TLK1: variants seen among roughly 807,000 people sequenced by gnomAD.
TLK1 encodes serine/threonine-protein kinase tousled-like 1.
In TLK1, 24 loss-of-function variants were observed where a neutral mutation model predicts 105.3. That is an observed-to-expected ratio of 0.23 (90% CI 0.17 to 0.32). The LOEUF is 0.32. Among genes scored for constraint, TLK1 ranks in the 10% least tolerant of loss-of-function variants. TLK1 has a pLI of 1.00. For missense variants in TLK1, 558 were observed against 910.5 expected (o/e 0.61, Z 4.98); for synonymous variants, 321 against 310.4 (o/e 1.03, Z -0.36).
intron 1 of TLK1, among the ~76,000 whole-genome samples, chr2:171,198,678 C>G (rs1246558712): frequency 6.6e-6 from 1 of 152,100 alleles, no homozygotes; most frequent in African/African-American, 2.4e-5. Flanking sequence ...AGAAAAGAGG[C>G]CTGATTGACT....
At chr2:171,050,376 T>G (rs1687178515) in intron 8 of TLK1, among the ~76,000 whole-genome samples, 1 of 151,864 alleles carries the variant, frequency 6.6e-6, no homozygotes, top group South Asian at 2.1e-4. Context: ...GGAAAGTACA[T>G]ACAGGGAAAT....
At chr2:171,124,934 G>A (rs377341157) in intron 1 of TLK1, among the ~76,000 whole-genome samples, 7 of 152,152 alleles carry the variant, frequency 4.6e-5, no homozygotes, top group Non-Finnish European at 8.8e-5. Flanking sequence ...ATCAAGAGCC[G>A]AGAAAAACCA....
intron 2 of TLK1, among the ~76,000 whole-genome samples, chr2:171,098,019 C>T (rs1689524840): frequency 6.6e-6 from 1 of 151,856 alleles, no homozygotes; most frequent in African/African-American, 2.4e-5. Flanking sequence ...ATAAAAGAAG[C>T]CAGTTAAATA....
In TLK1 at chr2:171,160,052, C is replaced by T. The variant is rs1255176776; in HGVS notation, c.139+238G>A. Among the ~76,000 whole-genome samples, 1 of 152,170 alleles carries T rather than the reference C, an allele frequency of 6.6e-6. No individual in the cohort carries two copies. The highest frequency in any genetic ancestry group is 2.1e-4 in the South Asian group (1 of 4,830). ...GGCGAGTCTATGCGCCTCGCCCCGT[C>T]CCCACCAGCGCGCACCCCCTCGTCC... On this transcript the variant is annotated intron_variant, in intron 1 of 20. Coordinates refer to ENST00000431350, the MANE Select transcript of TLK1 (RefSeq NM_012290.5). This position sits in a 1 kb window ranked among gnomAD's most constrained non-coding sequence, Gnocchi z 4.4.
intron 1 of TLK1, 59 bp from the exon 2 acceptor site, chr2:171,117,916 C>T (rs1158790462): frequency 1.9e-6 from 2 of 1,073,812 alleles, no homozygotes; most frequent in Admixed American, 2.5e-5. Context: ...TTTATACTTA[C>T]ACACACAAAT....
chr2:171,086,636 AAC>A (rs562258913), intron 2 of TLK1, among the ~76,000 whole-genome samples: 3 of 122,902 alleles, frequency 2.4e-5, no homozygotes, highest in Admixed American at 7.7e-5. Flanking sequence ...AAAAAAAACA[AAC>A]AAAAAAAAAA....
intron 2 of TLK1, among the ~76,000 whole-genome samples, chr2:171,092,848 C>A (rs13002517): frequency 0.2 from 30,397 of 151,844 alleles, 3,759 homozygotes; most frequent in Non-Finnish European, 0.28. Flanking sequence ...TAGATGGGTA[C>A]ATTTTTTTTT....
At chr2:171,026,718 T>G (rs143763668) in intron 12 of TLK1, among the ~76,000 whole-genome samples, 27 of 152,262 alleles carry the variant, frequency 1.8e-4, no homozygotes, top group African/African-American at 6.5e-4. Context: ...GAACTCATTA[T>G]CAAAACAGTT....
At chr2:171,139,542 C>T (rs966060477) in intron 1 of TLK1, among the ~76,000 whole-genome samples, 3 of 151,858 alleles carry the variant, frequency 2.0e-5, no homozygotes, top group Non-Finnish European at 4.4e-5. Flanking sequence ...TGCAGTGAAC[C>T]GAGATCCCAC....
intron 1 of TLK1, among the ~76,000 whole-genome samples, chr2:171,194,513 A>G (rs1446690700): frequency 1.3e-5 from 2 of 152,208 alleles, no homozygotes; most frequent in Admixed American, 6.5e-5. Flanking sequence ...TTTGAATAAA[A>G]ATTAAAAGTA....
chr2:171,058,039 C>T, intron 5 of TLK1, 112 bp downstream of exon 5: 2 of 1,043,712 alleles, frequency 1.9e-6, no homozygotes, highest in Non-Finnish European at 2.9e-6. Context: ...TAAAGCTCTG[C>T]TCTAATCAAG....
At chr2:171,066,745 T>C (rs1688016301) in intron 3 of TLK1, 1 of 1,287,020 alleles carries the variant, frequency 7.8e-7, no homozygotes, top group Non-Finnish European at 1.1e-6. Context: ...TTCCTGGCAC[T>C]TTCCCTTCTC....
intron 1 of TLK1, among the ~76,000 whole-genome samples, chr2:171,183,877 G>A (rs942221295): frequency 1.3e-5 from 2 of 152,076 alleles, no homozygotes; most frequent in African/African-American, 2.4e-5. Context: ...TTCACCTGTA[G>A]TAGGCAGAAT....
intron 1 of TLK1, among the ~76,000 whole-genome samples, chr2:171,138,858 TACA>T (rs1273128072): frequency 6.6e-6 from 1 of 152,194 alleles, no homozygotes; most frequent in African/African-American, 2.4e-5. Flanking sequence ...ACTCTAAAGT[TACA>T]ACTCGTACAA....
chr2:171,230,480 C>T (rs1001239191), intron 1 of TLK1, among the ~76,000 whole-genome samples: 8 of 152,118 alleles, frequency 5.3e-5, no homozygotes, highest in Admixed American at 1.3e-4. Flanking sequence ...GAATGGAATC[C>T]GCAAGAGAAT....
intron 1 of TLK1, among the ~76,000 whole-genome samples, chr2:171,152,418 A>G (rs1306330396): frequency 1.3e-5 from 2 of 152,182 alleles, no homozygotes; most frequent in African/African-American, 2.4e-5. Flanking sequence ...TCTGCTCTGC[A>G]TATCTTTCCA....
intron 5 of TLK1, among the ~76,000 whole-genome samples, chr2:171,056,962 T>C (rs562751269): frequency 3.4e-4 from 51 of 152,176 alleles, no homozygotes; most frequent in African/African-American, 7.2e-4. Context: ...TGTTTACCCA[T>C]AGACCTTAGT....
chr2:171,049,723 A>G, intron 10 of TLK1, 91 bp downstream of exon 10: 2 of 1,482,158 alleles, frequency 1.3e-6, no homozygotes, highest in East Asian at 2.3e-5. Flanking sequence ...GTAGCGAGGA[A>G]CTGGAGAGCA....
At chr2:171,008,468 T>C (rs1226274683) in intron 14 of TLK1, among the ~76,000 whole-genome samples, 1 of 152,080 alleles carries the variant, frequency 6.6e-6, no homozygotes, top group African/African-American at 2.4e-5. Context: ...TAAAGGATAA[T>C]TGAAGAAAAA....
Sources: gnomAD v4.1 joint callset for allele counts (sites outside exome capture counted in the v4.1 genomes callset) on GRCh38, gnomAD v4.1.1 for gene constraint, Gnocchi (gnomAD v3.1) non-coding constraint, MANE v1.5 for transcripts, NCBI Gene and HGNC (gene_info 2026-07-23, HGNC 2026-07-21) for gene names.